LAMC1: variants seen among roughly 807,000 people sequenced by gnomAD.
LAMC1 encodes the protein laminin subunit gamma 1.
In LAMC1, 38 loss-of-function variants were observed where a neutral mutation model predicts 173.6. That is an observed-to-expected ratio of 0.22 (90% CI 0.17 to 0.29). The LOEUF (loss-of-function observed/expected upper bound fraction) is 0.29, where lower values mean the gene tolerates loss of function less well. Among genes scored for constraint, LAMC1 ranks in the 10% least tolerant of loss-of-function variants. The pLI is 1.00. For synonymous variants in LAMC1, 746 were observed against 749.1 expected (o/e 1.00, Z 0.07); for missense variants, 1,824 against 2,051.8 (o/e 0.89, Z 2.14).
rs781144474 is a variant in LAMC1 at position 183,133,450 on chromosome 1, C to G, written c.3749C>G (p.Ala1250Gly). 1 of 1,614,026 alleles carries G rather than the reference C, an allele frequency of 6.2e-7. No individual in the cohort carries two copies. The highest frequency in any genetic ancestry group is 1.1e-5 in the South Asian group (1 of 91,062). Residue 1250 changes from alanine to glycine, a missense_variant, in exon 22 of 28, where the codon GCT becomes GGT. Physicochemically the swap from Ala to Gly is moderately conservative, Grantham distance 60. Coordinates refer to ENST00000258341, the MANE Select transcript of LAMC1 (RefSeq NM_002293.4). ...KNISQDLEKQ[A>G]ARVHEEAKRA... The stretch of plus-strand genomic sequence containing the variant: ...ATCTCACAGGATCTGGAAAAACAAG[C>G]TGCCCGAGTACATGAGGAGGCCAAA...
intron 1 of LAMC1, among the ~76,000 whole-genome samples, chr1:183,094,498 T>C (rs572398413): frequency 3.9e-5 from 6 of 152,346 alleles, no homozygotes; most frequent in African/African-American, 1.4e-4. Flanking sequence ...CCTTGTCTTA[T>C]TCTCTGCTGA....
intron 1 of LAMC1, among the ~76,000 whole-genome samples, chr1:183,085,697 G>C (rs557759622): frequency 1.0e-3 from 159 of 152,214 alleles, no homozygotes; most frequent in African/African-American, 3.8e-3. Flanking sequence ...CGGGGAGAAT[G>C]CATTTGTCCT....
chr1:183,135,015 A>G (rs1198647850), intron 23 of LAMC1, 27 bp from the exon 24 acceptor site: 1 of 1,563,276 alleles, frequency 6.4e-7, no homozygotes, highest in East Asian at 2.2e-5. Flanking sequence ...TTGAGGGTTC[A>G]TCCTCTCATC....
chr1:183,128,486 G>T (rs1158583395), intron 17 of LAMC1, 108 bp from the exon 18 acceptor site: 48 of 631,458 alleles, frequency 7.6e-5, no homozygotes, highest in Non-Finnish European at 1.1e-4. Context: ...AAAAAAAAAA[G>T]AACTACATAT....
At chr1:183,029,058 G>A (rs1207072496) in intron 1 of LAMC1, among the ~76,000 whole-genome samples, 2 of 152,120 alleles carry the variant, frequency 1.3e-5, no homozygotes, top group South Asian at 2.1e-4. Flanking sequence ...TGTTGCCCAC[G>A]TCTCTCCTGA....
At chr1:183,137,536 A>AT (rs1282869208) in intron 25 of LAMC1, 133 bp from the exon 26 acceptor site, 1 of 476,462 alleles carries the variant, frequency 2.1e-6, no homozygotes, top group Non-Finnish European at 3.5e-6. Flanking sequence ...AAGTCATGAG[A>AT]TAGTATAAAT....
At chr1:183,103,683 G>A in intron 2 of LAMC1, 51 bp downstream of exon 2, 1 of 1,480,948 alleles carries the variant, frequency 6.8e-7, no homozygotes, top group South Asian at 1.4e-5. Context: ...AACATGCGAG[G>A]TGTGGGAAGA....
chr1:183,064,832 C>T (rs1654833207), intron 1 of LAMC1, among the ~76,000 whole-genome samples: 1 of 152,110 alleles, frequency 6.6e-6, no homozygotes, highest in Admixed American at 6.5e-5. Flanking sequence ...CTGACTTATT[C>T]TAGTTTAGGG....
intron 24 of LAMC1, among the ~76,000 whole-genome samples, chr1:183,136,135 C>T (rs1475957077): frequency 1.3e-5 from 2 of 152,162 alleles, no homozygotes; most frequent in Non-Finnish European, 2.9e-5. Flanking sequence ...ATGGGATGCT[C>T]AGCGCTCTGC....
chr1:183,126,630 A>G (rs2224933), intron 16 of LAMC1, among the ~76,000 whole-genome samples: 78,802 of 152,106 alleles, frequency 0.52, 21,114 homozygotes, highest in South Asian at 0.65. Context: ...TGTTCACAAC[A>G]TGTTTGTTGA....
intron 1 of LAMC1, among the ~76,000 whole-genome samples, chr1:183,042,496 G>A (rs1654162467): frequency 6.6e-6 from 1 of 152,184 alleles, no homozygotes; most frequent in Non-Finnish European, 1.5e-5. Context: ...GGATGGGTTG[G>A]TGGGGAGAGA....
chr1:183,040,477 C>A (rs1308707718), intron 1 of LAMC1, among the ~76,000 whole-genome samples: 3 of 152,140 alleles, frequency 2.0e-5, no homozygotes, highest in African/African-American at 7.2e-5. Flanking sequence ...CCATAGCTTA[C>A]AAACAAGTTG....
At chr1:183,124,918 C>T in intron 14 of LAMC1, 42 bp downstream of exon 14, 1 of 1,599,092 alleles carries the variant, frequency 6.3e-7, no homozygotes, top group Non-Finnish European at 8.5e-7. Flanking sequence ...CTAAATGCCC[C>T]TTTATTGTGA....
intron 18 of LAMC1, 87 bp from the exon 19 acceptor site, chr1:183,130,257 T>C: frequency 1.7e-6 from 2 of 1,180,098 alleles, no homozygotes; most frequent in Non-Finnish European, 2.5e-6. Flanking sequence ...TTTAGAAGAG[T>C]AGAGATACAT....
intron 18 of LAMC1, among the ~76,000 whole-genome samples, chr1:183,129,289 C>T (rs577739451): frequency 1.9e-4 from 29 of 152,066 alleles, no homozygotes; most frequent in African/African-American, 6.7e-4. Context: ...GGCGGTTCAC[C>T]GTGTTAGCCA....
At chr1:183,075,155 T>TA (rs1470350063) in intron 1 of LAMC1, among the ~76,000 whole-genome samples, 2 of 151,240 alleles carry the variant, frequency 1.3e-5, no homozygotes, top group African/African-American at 4.9e-5. Context: ...GACAGGGTGT[T>TA]ACTCCTGTTG....
In LAMC1 at chr1:183,114,569, G is replaced by C. The variant is rs370198135; in HGVS notation, c.1060G>C (p.Asp354His). Reference sequence around the variant, plus strand: ...TGGTCGATCCCAGGAATGCTACTTCGACCCTGAACTCTATCGTTCCACTGG... The same window carrying C: ...TGGTCGATCCCAGGAATGCTACTTCCACCCTGAACTCTATCGTTCCACTGG... ...CNGRSQECYF[D>H]PELYRSTGHG... is the part of the protein sequence containing the mutation. Residue 354 changes from aspartate (D) to histidine (H), a missense_variant, in exon 5 of 28, where the codon GAC becomes CAC. Coordinates refer to ENST00000258341, the MANE Select transcript of LAMC1 (RefSeq NM_002293.4). The C allele has an allele frequency of 1.1e-5, 17 of 1,614,008 alleles. No individual in the cohort carries two copies. The highest frequency in any genetic ancestry group is 1.4e-5 in the Non-Finnish European group (17 of 1,180,034).
chr1:183,081,139 G>C (rs969438718), intron 1 of LAMC1, among the ~76,000 whole-genome samples: 1 of 151,778 alleles, frequency 6.6e-6, no homozygotes, highest in African/African-American at 2.4e-5. Context: ...CGCCTGCATC[G>C]GCCTCCCAAA....
At chr1:183,126,849 T>C (rs1196682529) in intron 16 of LAMC1, among the ~76,000 whole-genome samples, 1 of 152,190 alleles carries the variant, frequency 6.6e-6, no homozygotes, top group Non-Finnish European at 1.5e-5. Flanking sequence ...TATAAGATAA[T>C]GCAAAAGAAG....
Sources: allele counts gnomAD v4.1 joint callset (sites outside exome capture counted in the v4.1 genomes callset), GRCh38; gene constraint gnomAD v4.1.1; transcripts MANE v1.5; gene names NCBI Gene and HGNC (gene_info 2026-07-23, HGNC 2026-07-21).